The following GABRB1 variants were observed in gnomAD, a reference collection of about 807,000 sequenced individuals.
GABRB1 encodes gamma-aminobutyric acid receptor subunit beta-1.
In GABRB1, 17 loss-of-function variants were observed where a neutral mutation model predicts 51.6. The ratio of observed to expected loss-of-function variants is 0.33; its 90% CI spans 0.23 to 0.49. The LOEUF (loss-of-function observed/expected upper bound fraction) is 0.49. Ranked by LOEUF, GABRB1 falls within the 20% of genes least tolerant of loss-of-function variation. GABRB1 has a pLI of 0.99. For synonymous variants in GABRB1, 247 were observed against 218.9 expected, an observed-to-expected ratio of 1.13 and a Z score of -1.14; for missense variants, 410 against 600.6, an observed-to-expected ratio of 0.68 and a Z score of 3.32.
At chr4:47,310,563 C>T (rs1724632508) in intron 4 of GABRB1, among the ~76,000 whole-genome samples, 1 of 152,154 alleles carries the variant, frequency 6.6e-6, no homozygotes, top group Non-Finnish European at 1.5e-5. Flanking sequence ...TGCTTAGATT[C>T]ATCTGGCCTA....
At chr4:47,118,742 A>G (rs1051761924) in intron 3 of GABRB1, among the ~76,000 whole-genome samples, 2 of 152,160 alleles carry the variant, frequency 1.3e-5, no homozygotes, top group African/African-American at 2.4e-5. Flanking sequence ...GCATGCATAC[A>G]TATATATCTC....
chr4:46,996,445 G>A (rs1724000573), intron 1 of GABRB1, among the ~76,000 whole-genome samples: 1 of 152,098 alleles, frequency 6.6e-6, no homozygotes, highest in African/African-American at 2.4e-5. Flanking sequence ...AACGTCTTAG[G>A]ATGGACACTT....
chr4:47,375,708 T>G (rs145546232), intron 5 of GABRB1, among the ~76,000 whole-genome samples: 1 of 152,244 alleles, frequency 6.6e-6, no homozygotes, highest in Non-Finnish European at 1.5e-5. Context: ...CACTTGTTAC[T>G]TTTGGTTACA....
intron 4 of GABRB1, among the ~76,000 whole-genome samples, chr4:47,244,433 G>A (rs188483119): frequency 6.6e-6 from 1 of 152,206 alleles, no homozygotes; most frequent in East Asian, 1.9e-4. Context: ...TTTTTCTATT[G>A]ATAGGAAGAG....
At chr4:47,038,305 C>T (rs2109482361) in intron 3 of GABRB1, among the ~76,000 whole-genome samples, 1 of 152,232 alleles carries the variant, frequency 6.6e-6, no homozygotes. Flanking sequence ...GTCATGGCAT[C>T]CTCATCCAAC....
At chr4:47,285,662 G>A (rs936740907) in intron 4 of GABRB1, among the ~76,000 whole-genome samples, 2 of 152,106 alleles carry the variant, frequency 1.3e-5, no homozygotes, top group Admixed American at 6.5e-5. Flanking sequence ...CCCTACTCTA[G>A]CATTTCCTAA....
At chr4:47,183,214 G>T (rs1328145123) in intron 4 of GABRB1, among the ~76,000 whole-genome samples, 3 of 151,142 alleles carry the variant, frequency 2.0e-5, no homozygotes, top group Admixed American at 1.3e-4. Context: ...GCATTTCAGG[G>T]GTATCTGAGG....
At chr4:47,164,152 G>A (rs1340257681) in intron 4 of GABRB1, among the ~76,000 whole-genome samples, 1 of 151,920 alleles carries the variant, frequency 6.6e-6, no homozygotes. Context: ...CCTCCCACCG[G>A]GCCCTCCCTT....
At chr4:47,242,326 G>A (rs568863798) in intron 4 of GABRB1, among the ~76,000 whole-genome samples, 3 of 152,292 alleles carry the variant, frequency 2.0e-5, no homozygotes, top group Non-Finnish European at 4.4e-5. Flanking sequence ...TTGCTATTGT[G>A]TATAGTGCCG....
intron 3 of GABRB1, among the ~76,000 whole-genome samples, chr4:47,116,377 G>A (rs984313078): frequency 3.3e-5 from 5 of 152,198 alleles, no homozygotes; most frequent in African/African-American, 1.2e-4. Context: ...AGTTGCCACA[G>A]ATATCTGCCA....
At chr4:47,398,188 G>T (rs1168506207) in intron 5 of GABRB1, among the ~76,000 whole-genome samples, 2 of 151,970 alleles carry the variant, frequency 1.3e-5, no homozygotes, top group Non-Finnish European at 2.9e-5. Context: ...ATAAGTTATT[G>T]TTTTATATAT....
intron 3 of GABRB1, among the ~76,000 whole-genome samples, chr4:47,035,686 A>T (rs557637108): frequency 6.6e-6 from 1 of 152,280 alleles, no homozygotes; most frequent in East Asian, 1.9e-4. Context: ...GACTGACTAA[A>T]GATGAACAGG....
At chr4:47,072,478 T>G (rs1727379748) in intron 3 of GABRB1, among the ~76,000 whole-genome samples, 1 of 152,186 alleles carries the variant, frequency 6.6e-6, no homozygotes, top group Non-Finnish European at 1.5e-5. Flanking sequence ...AAGGTTAGTT[T>G]GCTACTGTGG....
At chr4:47,072,054 AAAAC>A (rs1487408285) in intron 3 of GABRB1, among the ~76,000 whole-genome samples, 1 of 152,106 alleles carries the variant, frequency 6.6e-6, no homozygotes, top group Admixed American at 6.6e-5. Flanking sequence ...AAAAAAAAAA[AAAAC>A]AAGTAGAAGT....
At chr4:47,394,278 T>C (rs1056087796) in intron 5 of GABRB1, among the ~76,000 whole-genome samples, 25 of 152,320 alleles carry the variant, frequency 1.6e-4, no homozygotes, top group African/African-American at 5.1e-4. Flanking sequence ...CAGACTTCAA[T>C]TGGGACAAGA....
At chr4:47,314,526 T>C (rs892791343) in intron 4 of GABRB1, among the ~76,000 whole-genome samples, 2 of 152,026 alleles carry the variant, frequency 1.3e-5, no homozygotes, top group Non-Finnish European at 2.9e-5. Flanking sequence ...TAAAGTGAGA[T>C]GTGCTGACCA....
chr4:47,295,886 C>G lies in GABRB1; in HGVS notation c.462-24241C>G, dbSNP rs187005788. ...AGGTCGGGTTAACCACAATGGGAAG[C>G]CCAGCAGACTAACAGCGGATCTCTT... On this transcript the variant is annotated intron_variant, in intron 4 of 8. Coordinates refer to ENST00000295454, the MANE Select transcript of GABRB1 (RefSeq NM_000812.4). Among the ~76,000 whole-genome samples, 340 of 152,268 alleles carry G rather than the reference C, an allele frequency of 2.2e-3. 8 individuals carry two copies. Among genetic ancestry groups the G allele is most frequent in the Non-Finnish European group, 5.7e-4 (39 of 68,026 alleles).
intron 3 of GABRB1, among the ~76,000 whole-genome samples, chr4:47,046,645 G>A (rs1206569579): frequency 6.6e-6 from 1 of 152,058 alleles, no homozygotes; most frequent in Admixed American, 6.6e-5. Flanking sequence ...ATATGCAGGA[G>A]AAGAATAATC....
intron 4 of GABRB1, among the ~76,000 whole-genome samples, chr4:47,202,195 C>T (rs1231188447): frequency 6.6e-6 from 1 of 152,128 alleles, no homozygotes; most frequent in African/African-American, 2.4e-5. Context: ...AGTGAGTGAG[C>T]TCTCACAAGA....
Sources: allele counts gnomAD v4.1 joint callset (sites outside exome capture counted in the v4.1 genomes callset), GRCh38; gene constraint gnomAD v4.1.1; transcripts MANE v1.5; gene names NCBI Gene and HGNC (gene_info 2026-07-23, HGNC 2026-07-21).